Variants in KIF17 observed in about 807,000 individuals in gnomAD.
The protein encoded by KIF17 is kinesin family member 17.
Under a neutral mutation model 96.8 loss-of-function variants are expected in KIF17, and 80 were observed. The observed-to-expected ratio is 0.83, with a 90% CI of 0.69 to 1.00. The LOEUF is 1.00. Among genes scored for constraint, KIF17 ranks in the 50% least tolerant of loss-of-function variants. KIF17 has a pLI of 0.00. For synonymous variants in KIF17, 567 were observed against 587.5 expected (o/e 0.97, Z 0.51); for missense variants, 1,280 against 1,372.9 (o/e 0.93, Z 1.07).
At chr1:20,717,365 G>T in intron 1 of KIF17, 111 bp downstream of exon 1, 1 of 1,229,460 alleles carries the variant, frequency 8.1e-7, no homozygotes. Context: ...CCGTCCGCCT[G>T]CGCCCCTCGA....
At chr1:20,665,272 G>A (rs1169671103) in intron 14 of KIF17, among the ~76,000 whole-genome samples, 1 of 130,882 alleles carries the variant, frequency 7.6e-6, no homozygotes, top group African/African-American at 2.9e-5. Flanking sequence ...CTGTCACCCA[G>A]GCTGGAGTGC....
chr1:20,688,489 CT>C (rs1557593174), intron 7 of KIF17, among the ~76,000 whole-genome samples: 1 of 152,190 alleles, frequency 6.6e-6, no homozygotes, highest in African/African-American at 2.4e-5. Flanking sequence ...TCCAGGAAGC[CT>C]TCCCTGACCA....
Position 20,690,352 on chromosome 1 carries a change from G to GCCCCCCA in KIF17, c.1234-18_1234-17insTGGGGGG. The GCCCCCCA allele has an allele frequency of 2.2e-6, 1 of 451,166 alleles. No individual in the cohort carries two copies. Among genetic ancestry groups the GCCCCCCA allele is most frequent in the Non-Finnish European group, 4.3e-6 (1 of 235,146 alleles). 27.9% of individuals were successfully genotyped at this position (451,166 alleles called of 1,614,324 possible). A position where few individuals can be genotyped will look rare whatever the true frequency, so the allele number is the denominator to read the frequency against. ...TTCATACTCCTGGGGGGGTGGGAGG[G>GCCCCCCA]ACCAGAGGGCAGGCAGCATTTTATC... On this transcript the variant is annotated splice_polypyrimidine_tract_variant and intron_variant, in intron 6 of 14. Coordinates refer to ENST00000400463, the MANE Select transcript of KIF17 (RefSeq NM_001122819.3).
intron 7 of KIF17, 146 bp from the exon 8 acceptor site, chr1:20,688,090 G>T: frequency 1.4e-6 from 1 of 695,918 alleles, no homozygotes; most frequent in Non-Finnish European, 2.4e-6. Context: ...TCTGTCGCCC[G>T]GGCTGGAGTG....
At chr1:20,661,717 C>A (rs886987880), downstream of KIF17, among the ~76,000 whole-genome samples, 1 of 152,270 alleles carries the variant, frequency 6.6e-6, no homozygotes, top group African/African-American at 2.4e-5. Flanking sequence ...CTGGAGCTTG[C>A]GGGGTCCTCC....
At chr1:20,670,343 C>T in intron 13 of KIF17, 78 bp downstream of exon 13, 1 of 1,373,936 alleles carries the variant, frequency 7.3e-7, no homozygotes, top group Non-Finnish European at 1.0e-6. Flanking sequence ...CAGCTCTCCA[C>T]AGTAACACTG....
intron 6 of KIF17, among the ~76,000 whole-genome samples, chr1:20,695,666 C>T (rs966180062): frequency 1.3e-5 from 2 of 151,206 alleles, no homozygotes; most frequent in Non-Finnish European, 2.9e-5. Context: ...ACCTTCCCAC[C>T]CACCTGGAGA....
chr1:20,664,523 C>T lies in KIF17; in HGVS notation c.*61G>A. The T allele has an allele frequency of 6.2e-7, 1 of 1,612,684 alleles. No homozygotes were observed. The highest frequency in any genetic ancestry group is 1.3e-5 in the African/African-American group (1 of 75,032). ...GTGGGAGGAGACCTGGTTGGGGCTG[C>T]CCTGGGAGGGCCTGGCAGTCTCTAC... is the stretch of plus-strand genomic sequence containing the variant. On this transcript the variant is annotated 3_prime_UTR_variant, in exon 15 of 15. Coordinates refer to ENST00000400463, the MANE Select transcript of KIF17 (RefSeq NM_001122819.3).
chr1:20,698,958 T>C (rs899762764), intron 5 of KIF17, among the ~76,000 whole-genome samples: 3 of 152,108 alleles, frequency 2.0e-5, no homozygotes, highest in East Asian at 1.9e-4. Flanking sequence ...TTTTTACTTA[T>C]ATATTTATCG....
In KIF17 at chr1:20,687,710, C is replaced by T. The variant is rs1377478877; in HGVS notation, c.1616G>A (p.Ser539Asn). 8.7e-6 allele frequency: 14 copies of T among 1,614,226 alleles called. No homozygotes were observed. The highest frequency in any genetic ancestry group is 1.3e-5 in the African/African-American group (1 of 75,066). Residue 539 changes from serine (S) to asparagine (N), a missense_variant, in exon 8 of 15, where the codon AGT becomes AAT. Transcript: ENST00000400463. This position sits in a 1 kb window ranked among gnomAD's most constrained non-coding sequence, Gnocchi z 4.4. ...GGTTTCTTCGAGCGAGGATGACTCA[C>T]TGGAGCCCAGAGAAATCTCAGATTT... The part of the protein sequence containing the change: ...PSKSEISLGS[S>N]ESSSLEETSV...
chr1:20,683,118 T>A (rs669380), intron 10 of KIF17, among the ~76,000 whole-genome samples: 80,992 of 151,960 alleles, frequency 0.53, 21,980 homozygotes, highest in Non-Finnish European at 0.59. Context: ...AGGGCGGGAA[T>A]CTTCCTGTGG....
At chr1:20,683,547 T>C (rs1241946610) in intron 10 of KIF17, among the ~76,000 whole-genome samples, 2 of 151,834 alleles carry the variant, frequency 1.3e-5, no homozygotes, top group African/African-American at 4.8e-5. Context: ...CCCAGCTACT[T>C]GGGAGGCTGA....
intron 12 of KIF17, among the ~76,000 whole-genome samples, chr1:20,671,363 C>T (rs991951615): frequency 1.3e-5 from 2 of 152,140 alleles, no homozygotes; most frequent in East Asian, 3.9e-4. Flanking sequence ...CAGGGTCGCA[C>T]TTTGTTACCC....
chr1:20,690,206 T>C lies in KIF17; in HGVS notation c.1363A>G (p.Asn455Asp). Residue 455 changes from asparagine (N) to aspartate (D), a missense_variant, in exon 7 of 15, where the codon AAC (asparagine) becomes GAC (aspartate). Physicochemically the swap from Asn to Asp is conservative, Grantham distance 23 (BLOSUM62 1). Transcript: ENST00000400463. ...TGCCCACCTGTCTCCTTCCGCAGGTTCTCCTCCAGCGTGGACAGCCTGACG... is the reference window on the plus strand; with the variant it reads ...TGCCCACCTGTCTCCTTCCGCAGGTCCTCCTCCAGCGTGGACAGCCTGACG... ...YDVRLSTLEE[N>D]LRKETEAVLQ... is the part of the protein sequence containing the mutation. 1 of 1,614,062 alleles carries C rather than the reference T, an allele frequency of 6.2e-7. No individual in the cohort carries two copies. Among genetic ancestry groups the C allele is most frequent in the Non-Finnish European group, 8.5e-7 (1 of 1,180,020 alleles).
rs1415847326 is a variant in KIF17 at position 20,666,196 on chromosome 1, C to G, written c.2908+18G>C. The G allele has an allele frequency of 6.4e-7, 1 of 1,565,664 alleles. No individual in the cohort carries two copies. The highest frequency in any genetic ancestry group is 2.2e-5 in the East Asian group (1 of 44,642). ...CCCAGTTGTGTGGAGAGGGTGGGGA[C>G]AGGGGAGGGACACTCACTGAGGCTC... On this transcript the variant is annotated intron_variant, in intron 14 of 14. Coordinates refer to ENST00000400463, the MANE Select transcript of KIF17 (RefSeq NM_001122819.3).
chr1:20,682,712 C>G lies in KIF17; in HGVS notation c.2404G>C (p.Asp802His). ...SGDWVLLNVY[D>H]SIQEEVRAKS... The stretch of plus-strand genomic sequence containing the variant: ...GCCCGCACTTCCTCCTGGATGGAGT[C>G]GTAGACGTTAAGCAGCACCCAGTCC... Residue 802 changes from aspartate to histidine, a missense_variant, in exon 11 of 15, where the codon GAC becomes CAC. Coordinates refer to ENST00000400463, the MANE Select transcript of KIF17 (RefSeq NM_001122819.3). 1 of 1,613,884 alleles carries G rather than the reference C, an allele frequency of 6.2e-7. No homozygotes were observed. The highest frequency in any genetic ancestry group is 8.5e-7 in the Non-Finnish European group (1 of 1,180,030).
intron 4 of KIF17, among the ~76,000 whole-genome samples, chr1:20,706,634 G>A (rs564916978): frequency 6.6e-6 from 1 of 151,922 alleles, no homozygotes; most frequent in East Asian, 1.9e-4. Context: ...GCTCACACCT[G>A]TAATCCCAGC....
downstream of KIF17, among the ~76,000 whole-genome samples, chr1:20,663,863 G>A (rs568257357): frequency 1.3e-5 from 2 of 152,326 alleles, no homozygotes; most frequent in South Asian, 4.1e-4. Flanking sequence ...CTTCCCAGAA[G>A]AATGTACTCA....
At position 20,717,556 on chromosome 1, in the gene KIF17, G is replaced by A; in HGVS notation, c.151C>T (p.Gln51Ter). 1.2e-6 allele frequency: 2 copies of A among 1,611,460 alleles called. No individual in the cohort carries two copies. The highest frequency in any genetic ancestry group is 1.1e-5 in the South Asian group (1 of 90,940). ...NPGAADEPPK[Q>*]FTFDGAYHVD... ...TGGTAGGCGCCGTCGAAGGTGAACT[G>A]CTTGGGCGGCTCGTCGGCGGCGCCC... is the stretch of plus-strand genomic sequence containing the variant. Residue 51 changes from glutamine to a stop codon, truncating the protein, a stop_gained, in exon 1 of 15, where the codon CAG becomes TAG. Transcript: ENST00000400463. LOFTEE classifies it high-confidence loss of function.
Sources: allele counts gnomAD v4.1 joint callset (sites outside exome capture counted in the v4.1 genomes callset), GRCh38; gene constraint gnomAD v4.1.1; non-coding constraint Gnocchi (gnomAD v3.1); transcripts MANE v1.5; gene names NCBI Gene and HGNC (gene_info 2026-07-23, HGNC 2026-07-21).